Variants in DNAH5 observed in about 807,000 individuals in gnomAD.
DNAH5 encodes axonemal beta dynein heavy chain 5.
Under a neutral mutation model 518.2 loss-of-function variants are expected in DNAH5, and 372 were observed. That is an observed-to-expected ratio of 0.72 (90% confidence interval 0.66 to 0.78). DNAH5 has a LOEUF of 0.78. DNAH5 is among the 30% of genes least tolerant of loss of function. The probability of loss-of-function intolerance (pLI) is 0.00; values close to 1 mark genes in which losing one functional copy is unlikely to be tolerated. For synonymous variants in DNAH5, 2,039 were observed against 2,025.9 expected (o/e 1.01, Z -0.17); for missense variants, 5,523 against 5,687.0 (o/e 0.97, Z 0.93).
intron 1 of DNAH5, among the ~76,000 whole-genome samples, chr5:13,982,716 T>C (rs112594796): frequency 6.0e-5 from 9 of 150,452 alleles, no homozygotes; most frequent in Middle Eastern, 3.5e-3. Flanking sequence ...ATATGCACTA[T>C]TGCATGAGTG....
chr5:13,938,464 A>G (rs902102131), intron 1 of DNAH5, among the ~76,000 whole-genome samples: 1 of 151,894 alleles, frequency 6.6e-6, no homozygotes. Context: ...CTATTTTATT[A>G]TTATTGTTGT....
chr5:13,849,710 C>A (rs1766551616), intron 31 of DNAH5, among the ~76,000 whole-genome samples: 1 of 152,160 alleles, frequency 6.6e-6, no homozygotes, highest in Admixed American at 6.5e-5. Context: ...CAGCAGCCGT[C>A]TCAAATTTTT....
intron 14 of DNAH5, chr5:13,900,743 A>T (rs1774490429): frequency 2.8e-6 from 1 of 356,460 alleles, no homozygotes. Flanking sequence ...TCTTCCTAAT[A>T]AAAGTTTCGT....
At chr5:13,891,517 T>C (rs1023935394) in intron 16 of DNAH5, among the ~76,000 whole-genome samples, 1 of 152,178 alleles carries the variant, frequency 6.6e-6, no homozygotes, top group Non-Finnish European at 1.5e-5. Flanking sequence ...CTCTCACTCA[T>C]ACTTAAAGAT....
intron 65 of DNAH5, among the ~76,000 whole-genome samples, chr5:13,740,326 TG>T (rs35797714): frequency 0.18 from 27,538 of 151,910 alleles, 2,616 homozygotes; most frequent in Middle Eastern, 0.23. Context: ...GTCAGAATGA[TG>T]CTACTAAAAC....
Position 13,753,524 on chromosome 5 carries a change from A to G in DNAH5, c.10581T>C (p.Phe3527=), listed in dbSNP as rs539286465. ...GGTTAAATGGACCAGAATAAGATAGAAAAGCTGTAGCCAACAGTACATCCC... is the reference window on the plus strand; with the variant it reads ...GGTTAAATGGACCAGAATAAGATAGGAAAGCTGTAGCCAACAGTACATCCC... ...LVGDVLLATA[F]LSYSGPFNQE... is the part of the protein sequence containing the mutation. Residue 3527 remains phenylalanine (F), a synonymous_variant, in exon 63 of 79, where the codon TTT becomes TTC. Transcript: ENST00000265104. 6 of 1,613,884 alleles carry G rather than the reference A, an allele frequency of 3.7e-6. 1 individual carries two copies. The South Asian group carries it at 6.6e-5, about 18-fold the overall frequency.
At chr5:13,889,257 T>G (rs567714975) in intron 17 of DNAH5, among the ~76,000 whole-genome samples, 1 of 152,158 alleles carries the variant, frequency 6.6e-6, no homozygotes, top group Non-Finnish European at 1.5e-5. Context: ...ACTAAAACCA[T>G]GGAGGCAAGT....
intron 1 of DNAH5, among the ~76,000 whole-genome samples, chr5:13,966,137 T>G (rs79910744): frequency 3.3e-5 from 5 of 152,236 alleles, no homozygotes; most frequent in African/African-American, 2.4e-5. Flanking sequence ...GGTCTCTAAT[T>G]CCATCCAAGG....
Position 13,973,070 on chromosome 5 carries a change from G to C in DNAH5, c.12+38578C>G, listed in dbSNP as rs530048631. ...TAAGGATTCAGTGAGGGGGAGATGA[G>C]CCTGGATTATCCAGGTGGGCCCAAT... On this transcript the variant is annotated intron_variant, in intron 1 of 78. Transcript: ENST00000681290. Among the ~76,000 whole-genome samples, 599 of 152,306 alleles carry C rather than the reference G, an allele frequency of 3.9e-3. 4 individuals carry two copies. Among genetic ancestry groups the C allele is most frequent in the African/African-American group, 0.014 (573 of 41,554 alleles).
At chr5:13,781,019 A>G in intron 52 of DNAH5, 60 bp from the exon 53 acceptor site, 1 of 1,576,540 alleles carries the variant, frequency 6.3e-7, no homozygotes, top group Non-Finnish European at 8.7e-7. Context: ...TATTTTTCCT[A>G]TTTATTCAAT....
At position 13,865,867 on chromosome 5, in the gene DNAH5, T is replaced by C. The variant is rs1247218715; in HGVS notation, c.4156A>G (p.Thr1386Ala). Residue 1386 changes from threonine to alanine, a missense_variant, in exon 27 of 79, where the codon ACT (threonine) becomes GCT (alanine). Transcript: ENST00000265104. ...AGGCCAAAAAGCTCCTCTCCTCCAG[T>C]ATATGTGATGTATTTCCGATAGATA... ...DNIYRKYITYTGGEELFGLPA... is the reference protein window; with the variant it reads ...DNIYRKYITYAGGEELFGLPA... The C allele has an allele frequency of 6.2e-6, 10 of 1,611,866 alleles. No individual in the cohort carries two copies. The African/African-American group carries it at 8.0e-5, about 13-fold the overall frequency.
intron 38 of DNAH5, among the ~76,000 whole-genome samples, chr5:13,828,328 T>A (rs1392133374): frequency 6.6e-6 from 1 of 152,368 alleles, no homozygotes; most frequent in African/African-American, 2.4e-5. Flanking sequence ...AGATTATATA[T>A]GTTAGGAAGT....
rs528394713 is a variant in DNAH5, at chr5:13,747,109, A to C, written c.11211+3969T>G. Among the ~76,000 whole-genome samples, 384 of 151,940 alleles carry C rather than the reference A, an allele frequency of 2.5e-3. 1 individual carries two copies. The Middle Eastern group carries it at 0.031, about 12-fold the overall frequency. Reference sequence around the variant, plus strand: ...TGTGTCCAAGTGTTCTCATTGTTCAATTCCCACCTACGAGTGAGAACATGC... The same window carrying C: ...TGTGTCCAAGTGTTCTCATTGTTCACTTCCCACCTACGAGTGAGAACATGC... On this transcript the variant is annotated intron_variant, in intron 65 of 78. Transcript: ENST00000265104.
At chr5:13,911,163 C>G (rs994625855) in intron 12 of DNAH5, among the ~76,000 whole-genome samples, 3 of 152,212 alleles carry the variant, frequency 2.0e-5, no homozygotes, top group African/African-American at 7.2e-5. Flanking sequence ...ATGTGGAAGT[C>G]TGATACACAT....
intron 49 of DNAH5, 45 bp downstream of exon 49, chr5:13,793,470 G>C (rs1757324886): frequency 6.6e-7 from 1 of 1,526,616 alleles, no homozygotes; most frequent in Non-Finnish European, 9.1e-7. Flanking sequence ...AACCCAAGCA[G>C]GTGTTCTTCC....
Position 13,717,629 on chromosome 5 carries a change from C to T in DNAH5, c.12500-109G>A. The T allele has an allele frequency of 3.1e-6, 3 of 978,158 alleles. No homozygotes were observed. In the South Asian group the frequency reaches 4.2e-5, roughly 14 times the overall value. 60.6% of individuals were successfully genotyped at this position (978,158 alleles called of 1,614,324 possible). On this transcript the variant is annotated intron_variant, in intron 72 of 78. Transcript: ENST00000265104. ...AATCCCTGATATTAAAATTCACTTA[C>T]TTTGGATTGTTTTTATGACACTCAT... is the stretch of plus-strand genomic sequence containing the variant.
At chr5:13,816,996 A>G (rs1347004268) in intron 42 of DNAH5, among the ~76,000 whole-genome samples, 1 of 152,232 alleles carries the variant, frequency 6.6e-6, no homozygotes, top group Non-Finnish European at 1.5e-5. Flanking sequence ...TACAAAGTCC[A>G]TAAGTGAGGG....
At chr5:13,863,745 T>C (rs1768813286) in intron 28 of DNAH5, among the ~76,000 whole-genome samples, 1 of 152,010 alleles carries the variant, frequency 6.6e-6, no homozygotes, top group Non-Finnish European at 1.5e-5. Context: ...ACTACCAGAG[T>C]GATCCTTACA....
intron 41 of DNAH5, among the ~76,000 whole-genome samples, 166 bp from the exon 42 acceptor site, chr5:13,817,860 C>A (rs555439088): frequency 4.6e-5 from 7 of 152,290 alleles, no homozygotes; most frequent in Non-Finnish European, 8.8e-5. Flanking sequence ...CCATAATTAG[C>A]TTCATTATAC....
Sources: gnomAD v4.1 joint callset for allele counts (sites outside exome capture counted in the v4.1 genomes callset) on GRCh38, gnomAD v4.1.1 for gene constraint, MANE v1.5 for transcripts, NCBI Gene and HGNC (gene_info 2026-07-23, HGNC 2026-07-21) for gene names.